Variants in TANC1 observed in about 807,000 individuals in gnomAD.
The protein encoded by TANC1 is tetratricopeptide repeat, ankyrin repeat and coiled-coil containing 1.
In TANC1, 77 loss-of-function variants were observed where a neutral mutation model predicts 149.7. The ratio of observed to expected loss-of-function variants is 0.51; its 90% CI spans 0.43 to 0.62. The LOEUF (loss-of-function observed/expected upper bound fraction) is 0.62. Among genes scored for constraint, TANC1 ranks in the 20% least tolerant of loss-of-function variants. TANC1 has a pLI of 0.00. For synonymous variants in TANC1, 854 were observed against 925.0 expected, an observed-to-expected ratio of 0.92 and a Z score of 1.39; for missense variants, 1,985 against 2,321.8, an observed-to-expected ratio of 0.85 and a Z score of 2.98.
chr2:158,995,116 G>T (rs1326401323), intron 1 of TANC1, among the ~76,000 whole-genome samples: 1 of 152,198 alleles, frequency 6.6e-6, no homozygotes. Flanking sequence ...CTAGTTAAGT[G>T]TTCAGCAAAT....
chr2:159,211,930 AC>A (rs2059009805), intron 19 of TANC1, among the ~76,000 whole-genome samples: 2 of 152,182 alleles, frequency 1.3e-5, no homozygotes, highest in African/African-American at 2.4e-5. Context: ...ACAGGGTCCA[AC>A]CCAGTTGCCA....
intron 8 of TANC1, among the ~76,000 whole-genome samples, chr2:159,167,515 C>A (rs1170699660): frequency 6.6e-6 from 1 of 152,208 alleles, no homozygotes; most frequent in African/African-American, 2.4e-5. Context: ...AAGTAATTAG[C>A]TGAGTCTTTC....
At chr2:159,130,369 A>C (rs1032174627) in intron 4 of TANC1, among the ~76,000 whole-genome samples, 3 of 152,182 alleles carry the variant, frequency 2.0e-5, no homozygotes, top group Admixed American at 6.5e-5. Flanking sequence ...TTTAAACAAA[A>C]AGTTGTGAGG....
chr2:159,053,444 T>G (rs1406745266), intron 2 of TANC1, among the ~76,000 whole-genome samples: 2 of 152,258 alleles, frequency 1.3e-5, no homozygotes, highest in Admixed American at 6.5e-5. Flanking sequence ...TGTCATTGCT[T>G]TAGCTATGGG....
intron 7 of TANC1, among the ~76,000 whole-genome samples, chr2:159,160,321 T>TAGCAC: frequency 6.6e-6 from 1 of 152,052 alleles, no homozygotes; most frequent in East Asian, 1.9e-4. Context: ...AAATGTCAAA[T>TAGCAC]AGCACTTTTT....
intron 22 of TANC1, among the ~76,000 whole-genome samples, chr2:159,220,448 C>T (rs554970298): frequency 6.6e-6 from 1 of 151,896 alleles, no homozygotes; most frequent in South Asian, 2.1e-4. Context: ...GCTGGGATTA[C>T]AGGCATGCAC....
intron 4 of TANC1, among the ~76,000 whole-genome samples, chr2:159,132,709 G>A (rs1171366427): frequency 6.7e-6 from 1 of 149,362 alleles, no homozygotes; most frequent in Non-Finnish European, 1.5e-5. Context: ...ATGTTACCCA[G>A]GCTGGTCTGG....
chr2:159,223,341 G>T (rs28535512), intron 22 of TANC1, among the ~76,000 whole-genome samples: 13,132 of 152,014 alleles, frequency 0.086, 1,176 homozygotes, highest in East Asian at 0.23. Context: ...TGGGTATAAG[G>T]TGAACATCTT....
chr2:159,165,578 A>G (rs1456727367), intron 8 of TANC1, among the ~76,000 whole-genome samples: 1 of 152,202 alleles, frequency 6.6e-6, no homozygotes, highest in African/African-American at 2.4e-5. Flanking sequence ...TTTTTCAAGT[A>G]CCATTGAAGA....
At position 159,174,898 on chromosome 2, in the gene TANC1, A is replaced by C. The variant is rs560514561; in HGVS notation, c.1504-55A>C. 4.0e-5 allele frequency: 55 copies of C among 1,369,680 alleles called. No homozygotes were observed. In the African/African-American group the frequency reaches 7.5e-4, roughly 19 times the overall value. The allele number at this position is 1,369,680 out of a possible 1,614,324, so 84.8% of individuals were successfully genotyped here. A position where few individuals can be genotyped will look rare whatever the true frequency, so the allele number is the denominator to read the frequency against. ...GAGTTGTGTTCCTGTTTGAGATTGC[A>C]GAAGGAGCTGTGTGAAGAGGGTGAG... On this transcript the variant is annotated intron_variant, in intron 11 of 26. Transcript: ENST00000263635.
rs1285740876 is a variant in TANC1, at chr2:159,230,657, G to A, written c.5231G>A (p.Trp1744Ter). The change falls in exon 27 of 27, where the codon TGG (tryptophan) becomes TAG (stop). Residue 1744 changes from tryptophan (W) to a stop codon, truncating the protein, a stop_gained. Transcript: ENST00000263635. LOFTEE classifies it high-confidence loss of function. The surrounding 1 kb of genome is among the most constrained non-coding windows in gnomAD (Gnocchi z 4.4). ...QQQSNPPSRS[W>*]HCPAPEGLLT... ...CAGAGCAATCCTCCAAGCCGCAGCT[G>A]GCACTGTCCGGCACCAGAGGGGCTG... The A allele has an allele frequency of 6.2e-7, 1 of 1,614,208 alleles. No individual in the cohort carries two copies. The highest frequency in any genetic ancestry group is 1.7e-5 in the Admixed American group (1 of 60,020).
At chr2:159,074,826 C>T (rs1471143046) in intron 3 of TANC1, among the ~76,000 whole-genome samples, 1 of 152,102 alleles carries the variant, frequency 6.6e-6, no homozygotes, top group African/African-American at 2.4e-5. Flanking sequence ...ATGAGGGTGC[C>T]AGCATGGTTG....
rs1372909736 is a variant in TANC1 at position 159,044,394 on chromosome 2, C to T, written c.-15-21502C>T. Among the ~76,000 whole-genome samples the T allele has an allele frequency of 7.2e-5, 11 of 152,160 alleles. No individual in the cohort carries two copies. The South Asian group carries it at 8.3e-4, about 11-fold the overall frequency. On this transcript the variant is annotated intron_variant, in intron 2 of 26. Transcript: ENST00000263635. ...TTGAGGCTGCAGTGAGCTCTGATGG[C>T]GCCACTGTACTCCAGCCTGGGTGAC...
At chr2:159,188,080 CACCT>C (rs1043692020) in intron 16 of TANC1, among the ~76,000 whole-genome samples, 3 of 152,094 alleles carry the variant, frequency 2.0e-5, no homozygotes, top group African/African-American at 7.2e-5. Flanking sequence ...ACTCCAGTGT[CACCT>C]ACATCTACAC....
intron 2 of TANC1, among the ~76,000 whole-genome samples, chr2:159,015,980 A>G (rs969851776): frequency 1.3e-5 from 2 of 152,114 alleles, no homozygotes; most frequent in African/African-American, 4.8e-5. Context: ...CAGCCTCTGT[A>G]TGTTACCCAG....
In TANC1 at chr2:159,139,875, G is replaced by GT. The variant is rs546874000; in HGVS notation, c.364+3583dup. ...TTAAGTAAATATTTTGATACCTTAT[G>GT]TTTTTTATTACCATTTTAGATGGTC... On this transcript the variant is annotated intron_variant, in intron 5 of 26. Coordinates refer to ENST00000263635, the MANE Select transcript of TANC1 (RefSeq NM_033394.3). Among the ~76,000 whole-genome samples the GT allele has an allele frequency of 1.3e-3, 203 of 152,226 alleles. 1 individual carries two copies. Among genetic ancestry groups the GT allele is most frequent in the African/African-American group, 4.8e-3 (199 of 41,546 alleles).
At chr2:159,158,737 T>G (rs2053690072) in intron 7 of TANC1, among the ~76,000 whole-genome samples, 1 of 152,204 alleles carries the variant, frequency 6.6e-6, no homozygotes, top group South Asian at 2.1e-4. Context: ...AAAGCTTTAC[T>G]CCTAAGTTTC....
At chr2:159,103,488 G>T (rs56957698) in intron 4 of TANC1, among the ~76,000 whole-genome samples, 1 of 95,468 alleles carries the variant, frequency 1.0e-5, no homozygotes, top group Non-Finnish European at 2.9e-5. Flanking sequence ...ACGTCATTCT[G>T]TAGCTGCCTT....
chr2:159,209,013 A>G (rs533224166), intron 19 of TANC1, among the ~76,000 whole-genome samples: 2 of 152,366 alleles, frequency 1.3e-5, no homozygotes, highest in South Asian at 2.1e-4. Context: ...TGGTATTATC[A>G]TCTTATGAGA....
Sources: gnomAD v4.1 joint callset for allele counts (sites outside exome capture counted in the v4.1 genomes callset) on GRCh38, gnomAD v4.1.1 for gene constraint, Gnocchi (gnomAD v3.1) non-coding constraint, MANE v1.5 for transcripts, NCBI Gene and HGNC (gene_info 2026-07-23, HGNC 2026-07-21) for gene names.